Variants in SHROOM3 observed in about 807,000 individuals in gnomAD.
The protein encoded by SHROOM3 is protein Shroom3.
In SHROOM3, 47 loss-of-function variants were observed where a neutral mutation model predicts 138.6. That is an observed-to-expected ratio of 0.34 (90% CI 0.27 to 0.43). SHROOM3 has a LOEUF of 0.43. Ranked by LOEUF, SHROOM3 falls within the 20% of genes least tolerant of loss-of-function variation. The probability of loss-of-function intolerance (pLI) is 1.00; values close to 1 mark genes in which losing one functional copy is unlikely to be tolerated. For missense variants in SHROOM3, 2,491 were observed against 2,596.5 expected, an observed-to-expected ratio of 0.96 and a Z score of 0.88; for synonymous variants, 1,062 against 1,063.3, an observed-to-expected ratio of 1.00 and a Z score of 0.02.
intron 2 of SHROOM3, among the ~76,000 whole-genome samples, chr4:76,663,530 C>T (rs1229275396): frequency 6.6e-6 from 1 of 152,128 alleles, no homozygotes; most frequent in Non-Finnish European, 1.5e-5. Context: ...AGCCCAATCT[C>T]TCGTGAAGCT....
At chr4:76,636,621 C>T (rs1477444322) in intron 2 of SHROOM3, among the ~76,000 whole-genome samples, 1 of 152,132 alleles carries the variant, frequency 6.6e-6, no homozygotes, top group East Asian at 1.9e-4. Context: ...GTAGAATTTG[C>T]ACTTTCTTCC....
At position 76,605,988 on chromosome 4, in the gene SHROOM3, C is replaced by CAT. The variant is rs1204493236; in HGVS notation, c.323+50226_323+50227insTA. Reference sequence around the variant, plus strand: ...ATATATATACACATATACACACACACACATATATATATATATATATTTTTT... The same window carrying CAT: ...ATATATATACACATATACACACACACATACATATATATATATATATATTTTTT... On this transcript the variant is annotated intron_variant, in intron 2 of 10. Transcript: ENST00000296043. Among the ~76,000 whole-genome samples the CAT allele has an allele frequency of 7.5e-3, 700 of 93,792 alleles. 11 individuals are homozygous for CAT. Among genetic ancestry groups the CAT allele is most frequent in the South Asian group, 0.018 (42 of 2,322 alleles). 61.5% of individuals were successfully genotyped at this position (93,792 alleles called of 152,430 possible). A position where few individuals can be genotyped will look rare whatever the true frequency, so the allele number is the denominator to read the frequency against.
intron 2 of SHROOM3, among the ~76,000 whole-genome samples, chr4:76,636,125 TG>T (rs1284333218): frequency 6.6e-6 from 1 of 152,236 alleles, no homozygotes; most frequent in African/African-American, 2.4e-5. Flanking sequence ...GTTTCATAAA[TG>T]GGTAAAATGT....
chr4:76,744,871 A>G (rs1373417549), intron 5 of SHROOM3, among the ~76,000 whole-genome samples: 4 of 152,228 alleles, frequency 2.6e-5, no homozygotes, highest in Non-Finnish European at 5.9e-5. Context: ...CAAAATTCTC[A>G]TTAGTGAGGC....
rs377146691 is a variant in SHROOM3 at position 76,536,674 on chromosome 4, C to T, written c.169-18935C>T. On this transcript the variant is annotated intron_variant, in intron 1 of 10. Transcript: ENST00000296043. ...TAAAGCAAATTATAAAGGAAGTAGC[C>T]CCTGGCCTTAGGAGACCCTCAAAGT... Among the ~76,000 whole-genome samples, 9 of 152,248 alleles carry T rather than the reference C, an allele frequency of 5.9e-5. No homozygotes were observed. In the East Asian group the frequency reaches 1.5e-3, roughly 26 times the overall value.
intron 2 of SHROOM3, among the ~76,000 whole-genome samples, chr4:76,590,786 G>T (rs1734256661): frequency 6.6e-6 from 1 of 151,890 alleles, no homozygotes; most frequent in South Asian, 2.1e-4. Flanking sequence ...AAAATAGTCA[G>T]CAAAAATATG....
intron 1 of SHROOM3, among the ~76,000 whole-genome samples, chr4:76,533,266 T>C (rs1732871089): frequency 6.6e-6 from 1 of 152,208 alleles, no homozygotes; most frequent in South Asian, 2.1e-4. Flanking sequence ...TTGTTTTACC[T>C]CTGGGTGCCC....
At chr4:76,688,473 C>G in intron 2 of SHROOM3, 2 of 985,106 alleles carry the variant, frequency 2.0e-6, no homozygotes, top group Non-Finnish European at 2.4e-6. Context: ...AATATAGAAC[C>G]TGGACATTTA....
intron 3 of SHROOM3, among the ~76,000 whole-genome samples, chr4:76,712,928 T>C (rs1296442239): frequency 2.0e-5 from 3 of 152,246 alleles, no homozygotes; most frequent in Admixed American, 1.3e-4. Context: ...AGCATGTTGC[T>C]GTACTGAATT....
At chr4:76,545,638 T>C (rs914054264) in intron 1 of SHROOM3, among the ~76,000 whole-genome samples, 5 of 152,166 alleles carry the variant, frequency 3.3e-5, no homozygotes, top group African/African-American at 1.2e-4. Context: ...GTGGAAACAG[T>C]AGAAAAGTAT....
intron 2 of SHROOM3, among the ~76,000 whole-genome samples, chr4:76,702,320 G>A (rs562335011): frequency 2.9e-4 from 44 of 152,286 alleles, no homozygotes; most frequent in African/African-American, 8.9e-4. Flanking sequence ...ATGATAAGAA[G>A]ATTAACTGAA....
At chr4:76,697,258 A>G (rs1447058141) in intron 2 of SHROOM3, among the ~76,000 whole-genome samples, 1 of 151,826 alleles carries the variant, frequency 6.6e-6, no homozygotes, top group Non-Finnish European at 1.5e-5. Context: ...ATTTCCTGAC[A>G]TACTATTTGG....
intron 1 of SHROOM3, among the ~76,000 whole-genome samples, chr4:76,473,093 A>C (rs911803457): frequency 7.9e-5 from 12 of 152,244 alleles, no homozygotes; most frequent in African/African-American, 2.4e-4. Context: ...GAAAGCAACA[A>C]GTTGTACAAT....
chr4:76,628,241 A>G (rs1312808296), intron 2 of SHROOM3, among the ~76,000 whole-genome samples: 2 of 152,248 alleles, frequency 1.3e-5, no homozygotes, highest in Non-Finnish European at 2.9e-5. Context: ...TTAGAATGAT[A>G]TTTGGCTACT....
At chr4:76,777,710 C>G (rs950199289) in intron 10 of SHROOM3, among the ~76,000 whole-genome samples, 50 of 152,254 alleles carry the variant, frequency 3.3e-4, no homozygotes, top group African/African-American at 1.2e-3. Flanking sequence ...TTTCCTTGTT[C>G]AGTATAATGT....
At chr4:76,517,452 A>T (rs1463547855) in intron 1 of SHROOM3, among the ~76,000 whole-genome samples, 1 of 152,188 alleles carries the variant, frequency 6.6e-6, no homozygotes, top group Non-Finnish European at 1.5e-5. Context: ...CACTGTTCTC[A>T]GCTCTGCTGG....
chr4:76,568,288 T>C (rs1315027297), intron 2 of SHROOM3, among the ~76,000 whole-genome samples: 1 of 152,222 alleles, frequency 6.6e-6, no homozygotes, highest in East Asian at 1.9e-4. Flanking sequence ...TTTCATGACT[T>C]GTAAAGTGGG....
At chr4:76,667,766 A>G (rs1459599699) in intron 2 of SHROOM3, among the ~76,000 whole-genome samples, 1 of 151,182 alleles carries the variant, frequency 6.6e-6, no homozygotes. Context: ...CAGGAGATCG[A>G]GACCTTCCTG....
chr4:76,631,462 C>T (rs972140325), intron 2 of SHROOM3, among the ~76,000 whole-genome samples: 6 of 152,104 alleles, frequency 3.9e-5, no homozygotes, highest in Non-Finnish European at 8.8e-5. Context: ...ATCCACCCGC[C>T]TCAGCCTCCC....
Sources: gnomAD v4.1 joint callset for allele counts (sites outside exome capture counted in the v4.1 genomes callset) on GRCh38, gnomAD v4.1.1 for gene constraint, MANE v1.5 for transcripts, NCBI Gene and HGNC (gene_info 2026-07-23, HGNC 2026-07-21) for gene names.